MTREX: variants seen among roughly 807,000 people sequenced by gnomAD.
MTREX encodes the protein exosome RNA helicase MTR4.
A neutral mutation model predicts 135.4 loss-of-function variants in MTREX; 76 were observed. That is an observed-to-expected ratio of 0.56 (90% confidence interval 0.47 to 0.68). The LOEUF is 0.68. Among genes scored for constraint, MTREX ranks in the 30% least tolerant of loss-of-function variants. The pLI is 0.00. For missense variants in MTREX, 920 were observed against 1,262.1 expected, an observed-to-expected ratio of 0.73 and a Z score of 4.11; for synonymous variants, 404 against 401.6, an observed-to-expected ratio of 1.01 and a Z score of -0.07.
chr5:55,333,642 C>T (rs1022882160), intron 5 of MTREX, among the ~76,000 whole-genome samples: 1 of 152,006 alleles, frequency 6.6e-6, no homozygotes, highest in African/African-American at 2.4e-5. Context: ...ATTGTAGATA[C>T]TAGAAAACCT....
At chr5:55,397,280 G>A (rs867660803) in intron 19 of MTREX, 136 bp from the exon 20 acceptor site, 12 of 441,318 alleles carry the variant, frequency 2.7e-5, no homozygotes, top group Admixed American at 1.2e-4. Context: ...AATGCTTCAC[G>A]GTGATTATTA....
intron 3 of MTREX, among the ~76,000 whole-genome samples, chr5:55,327,006 A>G (rs1238856175): frequency 1.3e-5 from 2 of 152,166 alleles, no homozygotes; most frequent in East Asian, 3.9e-4. Flanking sequence ...CTTCATCCAT[A>G]TCCCTGCAAA....
At chr5:55,414,801 C>G (rs866796778) in intron 24 of MTREX, among the ~76,000 whole-genome samples, 1 of 152,060 alleles carries the variant, frequency 6.6e-6, no homozygotes, top group African/African-American at 2.4e-5. Context: ...AGGCACCCGC[C>G]ACCACACTCA....
At chr5:55,423,865 T>C (rs1337638399) in intron 26 of MTREX, 11 of 152,346 alleles carry the variant, frequency 7.2e-5, no homozygotes, top group East Asian at 1.9e-4. Flanking sequence ...CAACTTAGTG[T>C]CCTAAGAAGA....
At chr5:55,349,369 T>G (rs1176742076) in intron 11 of MTREX, among the ~76,000 whole-genome samples, 4 of 151,930 alleles carry the variant, frequency 2.6e-5, no homozygotes, top group Non-Finnish European at 5.9e-5. Context: ...TTGTATTTTT[T>G]GTAGAGACAG....
intron 1 of MTREX, among the ~76,000 whole-genome samples, chr5:55,314,600 C>T (rs1180934039): frequency 2.0e-5 from 3 of 152,120 alleles, no homozygotes; most frequent in African/African-American, 7.2e-5. Context: ...TCCCCCAGAG[C>T]CTTCAGGTAG....
At chr5:55,419,783 T>C (rs927126109) in intron 25 of MTREX, among the ~76,000 whole-genome samples, 1 of 152,194 alleles carries the variant, frequency 6.6e-6, no homozygotes, top group African/African-American at 2.4e-5. Flanking sequence ...CCATATGCTT[T>C]TTATTTTTTT....
intron 15 of MTREX, among the ~76,000 whole-genome samples, chr5:55,361,429 C>G (rs1294856042): frequency 1.1e-4 from 16 of 152,178 alleles, no homozygotes; most frequent in Admixed American, 1.0e-3. Flanking sequence ...TCAGTACATT[C>G]ATACACACAC....
At chr5:55,417,008 ACTT>A (rs1285851647) in intron 25 of MTREX, among the ~76,000 whole-genome samples, 1 of 152,168 alleles carries the variant, frequency 6.6e-6, no homozygotes, top group African/African-American at 2.4e-5. Context: ...CATAGGTTAA[ACTT>A]CTCTGCAACA....
chr5:55,361,412 C>G (rs1207026749), intron 15 of MTREX, among the ~76,000 whole-genome samples: 1 of 152,134 alleles, frequency 6.6e-6, no homozygotes, highest in African/African-American at 2.4e-5. Context: ...TTGGAGCTTT[C>G]AAAATCTCAG....
intron 11 of MTREX, 90 bp from the exon 12 acceptor site, chr5:55,349,483 C>A: frequency 1.3e-6 from 1 of 763,288 alleles, no homozygotes; most frequent in Non-Finnish European, 2.3e-6. Context: ...GACACCACGC[C>A]TGGCCTTTAG....
chr5:55,415,293 C>T (rs1351969359), intron 24 of MTREX, among the ~76,000 whole-genome samples: 1 of 151,750 alleles, frequency 6.6e-6, no homozygotes, highest in Non-Finnish European at 1.5e-5. Flanking sequence ...ATATACCAAA[C>T]CCCTGAGTCA....
At chr5:55,316,976 C>T (rs1443604497) in intron 1 of MTREX, among the ~76,000 whole-genome samples, 4 of 152,114 alleles carry the variant, frequency 2.6e-5, no homozygotes, top group Non-Finnish European at 5.9e-5. Flanking sequence ...TTCTTATACA[C>T]CAACAGTAGC....
At position 55,424,963 on chromosome 5, in the gene MTREX, A is replaced by G. The variant is rs936005334; in HGVS notation, c.*191A>G. The G allele has an allele frequency of 1.6e-6, 1 of 643,750 alleles. No homozygotes were observed. Among genetic ancestry groups the G allele is most frequent in the Non-Finnish European group, 2.6e-6 (1 of 382,580 alleles). The allele number at this position is 643,750 out of a possible 1,614,324, so 39.9% of individuals were successfully genotyped here. A position where few individuals can be genotyped will look rare whatever the true frequency, so the allele number is the denominator to read the frequency against. On this transcript the variant is annotated 3_prime_UTR_variant, in exon 27 of 27. Transcript: ENST00000230640. ...TAAGCATTACATTTTTTTAATAAAAATGTATACAGGTGGGGCACTGTTTTG... is the reference window on the plus strand; with the variant it reads ...TAAGCATTACATTTTTTTAATAAAAGTGTATACAGGTGGGGCACTGTTTTG...
chr5:55,405,089 G>A (rs961303935), intron 21 of MTREX, among the ~76,000 whole-genome samples: 1 of 151,988 alleles, frequency 6.6e-6, no homozygotes, highest in South Asian at 2.1e-4. Context: ...GAGCCATTGC[G>A]CCCGGCCTCT....
At chr5:55,369,096 A>G (rs1354858897) in intron 16 of MTREX, among the ~76,000 whole-genome samples, 1 of 150,802 alleles carries the variant, frequency 6.6e-6, no homozygotes, top group Non-Finnish European at 1.5e-5. Context: ...TCTCCCACCA[A>G]AAATTGTATT....
intron 17 of MTREX, 126 bp from the exon 18 acceptor site, chr5:55,379,001 T>C: frequency 7.8e-6 from 5 of 638,414 alleles, no homozygotes; most frequent in Non-Finnish European, 1.4e-5. Flanking sequence ...TTAGCAGTGC[T>C]CTTTCAAAGA....
intron 15 of MTREX, among the ~76,000 whole-genome samples, chr5:55,361,988 C>T (rs1300484098): frequency 6.6e-6 from 1 of 151,706 alleles, no homozygotes; most frequent in African/African-American, 2.4e-5. Context: ...GCAGTCTCGG[C>T]TCACTGCAAC....
intron 3 of MTREX, among the ~76,000 whole-genome samples, chr5:55,326,417 A>G (rs936732757): frequency 2.0e-5 from 3 of 152,070 alleles, no homozygotes; most frequent in Non-Finnish European, 4.4e-5. Context: ...GAAAAAAGAA[A>G]AGAAAAAAGA....
Sources: allele counts gnomAD v4.1 joint callset (sites outside exome capture counted in the v4.1 genomes callset), GRCh38; gene constraint gnomAD v4.1.1; transcripts MANE v1.5; gene names NCBI Gene and HGNC (gene_info 2026-07-23, HGNC 2026-07-21).